The following CHIC1 variants were observed in gnomAD, a reference collection of about 807,000 sequenced individuals.
CHIC1 encodes cysteine rich hydrophobic domain 1.
CHIC1 carries 7 observed loss-of-function variants against 18.5 expected under a neutral mutation model. That is an observed-to-expected ratio of 0.38 (90% confidence interval 0.22 to 0.71). The LOEUF (loss-of-function observed/expected upper bound fraction) is 0.71, where lower values mean the gene tolerates loss of function less well. CHIC1 is among the 30% of genes least tolerant of loss of function. The pLI, the probability that CHIC1 is intolerant of heterozygous loss-of-function variation, is 0.49. For synonymous variants in CHIC1, 77 were observed against 73.5 expected (o/e 1.05, Z -0.25); for missense variants, 159 against 176.9 (o/e 0.90, Z 0.57).
chrX:73,642,328 T>A (rs2057861330), intron 3 of CHIC1, among the ~76,000 whole-genome samples: 1 of 111,648 alleles, frequency 9.0e-6, no homozygotes, highest in African/African-American at 3.3e-5. Context: ...TTTTGAGAAG[T>A]GTCTGTTCAT....
chrX:73,636,283 A>G (rs922138530), intron 3 of CHIC1, among the ~76,000 whole-genome samples: 1 of 111,406 alleles, frequency 9.0e-6, no homozygotes, highest in Admixed American at 9.6e-5. Flanking sequence ...TTTATGTGTT[A>G]TATTTCTAAA....
At chrX:73,644,405 C>T (rs2057876824) in intron 3 of CHIC1, among the ~76,000 whole-genome samples, 2 of 112,288 alleles carry the variant, frequency 1.8e-5, no homozygotes, top group Non-Finnish European at 3.8e-5. Context: ...CTACTCTCTT[C>T]AAAGCTGTCA....
At chrX:73,655,433 T>C (rs1005458162) in intron 3 of CHIC1, among the ~76,000 whole-genome samples, 2 of 56,183 alleles carry the variant, frequency 3.6e-5, no homozygotes, top group Admixed American at 2.3e-4. Context: ...ATAGTGTGTG[T>C]ATATATATAC....
intron 3 of CHIC1, among the ~76,000 whole-genome samples, chrX:73,635,660 A>G (rs776174666): frequency 1.3e-4 from 15 of 111,983 alleles, no homozygotes; most frequent in African/African-American, 4.5e-4. Flanking sequence ...TATTTACCAT[A>G]TTCTCTTACA....
intron 3 of CHIC1, among the ~76,000 whole-genome samples, chrX:73,661,457 T>G (rs1028602240): frequency 4.5e-5 from 5 of 111,993 alleles, no homozygotes; most frequent in African/African-American, 1.6e-4. Context: ...AAGTTGAAAT[T>G]GTTAAGTTTC....
At chrX:73,595,121 G>A (rs1431639176) in intron 3 of CHIC1, among the ~76,000 whole-genome samples, 1 of 111,051 alleles carries the variant, frequency 9.0e-6, no homozygotes, top group Non-Finnish European at 1.9e-5. Flanking sequence ...ATATCTAGGA[G>A]TACAATTGCT....
intron 1 of CHIC1, among the ~76,000 whole-genome samples, chrX:73,571,221 G>T (rs1288940804): frequency 9.1e-6 from 1 of 110,270 alleles, no homozygotes; most frequent in African/African-American, 3.3e-5. Flanking sequence ...AGCTAAATTA[G>T]CAGCAATTGC....
At chrX:73,650,178 G>A (rs767863916) in intron 3 of CHIC1, among the ~76,000 whole-genome samples, 1 of 111,904 alleles carries the variant, frequency 8.9e-6, no homozygotes, top group African/African-American at 3.2e-5. Context: ...GGGACACAGC[G>A]AAGGCAGTGT....
chrX:73,573,356 T>A (rs767849975), intron 1 of CHIC1, among the ~76,000 whole-genome samples: 1 of 111,768 alleles, frequency 8.9e-6, no homozygotes, highest in Admixed American at 9.5e-5. Context: ...TGTAGTATAG[T>A]TTGAAGTCAG....
intron 3 of CHIC1, among the ~76,000 whole-genome samples, chrX:73,669,427 ACT>A (rs1000554433): frequency 9.1e-6 from 1 of 109,343 alleles, no homozygotes; most frequent in Non-Finnish European, 1.9e-5. Flanking sequence ...AATTGTTTGG[ACT>A]CTCTAAGCCC....
At chrX:73,663,328 G>A (rs2057989614) in intron 3 of CHIC1, among the ~76,000 whole-genome samples, 1 of 111,124 alleles carries the variant, frequency 9.0e-6, no homozygotes, top group African/African-American at 3.3e-5. Flanking sequence ...AAAAGCCACT[G>A]TGCTACCCAA....
At chrX:73,586,061 A>G (rs1211990036) in intron 3 of CHIC1, among the ~76,000 whole-genome samples, 1 of 111,601 alleles carries the variant, frequency 9.0e-6, no homozygotes, top group East Asian at 2.8e-4. Context: ...GTTTTTAAAC[A>G]TTTTAATCAG....
chrX:73,640,149 A>G (rs1330418232), intron 3 of CHIC1, among the ~76,000 whole-genome samples: 1 of 111,531 alleles, frequency 9.0e-6, no homozygotes, highest in Non-Finnish European at 1.9e-5. Context: ...ATTATTCGGT[A>G]TGGTGTTGGC....
chrX:73,576,040 A>C (rs1319800798), intron 1 of CHIC1, among the ~76,000 whole-genome samples: 3 of 109,036 alleles, frequency 2.8e-5, no homozygotes, highest in Non-Finnish European at 5.8e-5. Context: ...CTAAGTTTAC[A>C]CAGGGTCATG....
intron 3 of CHIC1, among the ~76,000 whole-genome samples, chrX:73,674,001 G>A (rs1034667915): frequency 1.8e-5 from 2 of 111,937 alleles, no homozygotes; most frequent in South Asian, 3.7e-4. Context: ...CATCTATTGC[G>A]ATAATCATGT....
At chrX:73,567,309 A>G (rs766251498) in intron 1 of CHIC1, among the ~76,000 whole-genome samples, 1 of 110,098 alleles carries the variant, frequency 9.1e-6, no homozygotes, top group South Asian at 4.0e-4. Context: ...GACATAAACA[A>G]AAACCTCCCG....
chrX:73,670,984 A>G (rs1342111115), intron 3 of CHIC1, among the ~76,000 whole-genome samples: 3 of 111,963 alleles, frequency 2.7e-5, no homozygotes, highest in African/African-American at 9.7e-5. Context: ...GTATCCTGCA[A>G]TTGTTGGATG....
Position 73,686,852 on chromosome X carries a change from A to G in CHIC1, c.*5847A>G, listed in dbSNP as rs1292691338. ...CTTTACCAGAAAAGAATAATAGCGG[A>G]TATGTTCATCCAAACTAAGAACTTT... On this transcript the variant is annotated 3_prime_UTR_variant, in exon 6 of 6. Transcript: ENST00000373502. 1 of 111,422 alleles carries G rather than the reference A, an allele frequency of 9.0e-6. No homozygotes were observed. Among genetic ancestry groups the G allele is most frequent in the African/African-American group, 3.3e-5 (1 of 30,768 alleles). 9.2% of individuals were successfully genotyped at this position (111,422 alleles called of 1,213,427 possible). A position where few individuals can be genotyped will look rare whatever the true frequency, so the allele number is the denominator to read the frequency against.
At chrX:73,617,997 C>T (rs754030244) in intron 3 of CHIC1, among the ~76,000 whole-genome samples, 26 of 111,724 alleles carry the variant, frequency 2.3e-4, no homozygotes, top group Admixed American at 9.5e-4. Context: ...TATTCTCCCC[C>T]TTTTCCTAGG....
Sources: gnomAD v4.1 joint callset for allele counts (sites outside exome capture counted in the v4.1 genomes callset) on GRCh38, gnomAD v4.1.1 for gene constraint, MANE v1.5 for transcripts, NCBI Gene and HGNC (gene_info 2026-07-23, HGNC 2026-07-21) for gene names.